The following NDUFS4 variants were observed in gnomAD, a reference collection of about 807,000 sequenced individuals.
The protein encoded by NDUFS4 is NADH dehydrogenase [ubiquinone] iron-sulfur protein 4, mitochondrial.
Under a neutral mutation model 24.3 loss-of-function variants are expected in NDUFS4, and 28 were observed. The ratio of observed to expected loss-of-function variants is 1.15; its 90% CI spans 0.85 to 1.58. NDUFS4 has a LOEUF of 1.58. Ranked by LOEUF, NDUFS4 falls within the 40% of genes most tolerant of loss-of-function variation. NDUFS4 has a pLI of 0.00. For synonymous variants in NDUFS4, 93 were observed against 69.7 expected, an observed-to-expected ratio of 1.34 and a Z score of -1.67; for missense variants, 223 against 207.9, an observed-to-expected ratio of 1.07 and a Z score of -0.45.
At chr5:53,580,797 CTCTT>C (rs1481643622) in intron 1 of NDUFS4, among the ~76,000 whole-genome samples, 1 of 141,196 alleles carries the variant, frequency 7.1e-6, no homozygotes, top group Non-Finnish European at 1.5e-5. Flanking sequence ...TTCTCTTTCT[CTCTT>C]TCTTTCCCTT....
chr5:53,585,096 A>G (rs1479324165), intron 1 of NDUFS4, among the ~76,000 whole-genome samples: 1 of 152,210 alleles, frequency 6.6e-6, no homozygotes, highest in Non-Finnish European at 1.5e-5. Flanking sequence ...TCTTAGGTGA[A>G]TATTTTAAAA....
intron 2 of NDUFS4, among the ~76,000 whole-genome samples, chr5:53,630,307 T>G (rs528715847): frequency 1.3e-5 from 2 of 152,278 alleles, no homozygotes; most frequent in East Asian, 3.9e-4. Context: ...CTGGCTGCCC[T>G]TAACATTTTT....
intron 2 of NDUFS4, among the ~76,000 whole-genome samples, chr5:53,610,680 A>G (rs1750667307): frequency 6.6e-6 from 1 of 152,306 alleles, no homozygotes; most frequent in East Asian, 1.9e-4. Context: ...GAATCTCAAC[A>G]TCAAAAAGCT....
chr5:53,660,531 G>A (rs1439600728), intron 4 of NDUFS4, among the ~76,000 whole-genome samples: 1 of 151,904 alleles, frequency 6.6e-6, no homozygotes, highest in Non-Finnish European at 1.5e-5. Context: ...GGGATTGCTG[G>A]GTCAAATGGT....
intron 4 of NDUFS4, among the ~76,000 whole-genome samples, chr5:53,675,586 T>C (rs563646201): frequency 6.6e-6 from 1 of 152,316 alleles, no homozygotes; most frequent in South Asian, 2.1e-4. Flanking sequence ...ACACAGAGTT[T>C]ATAACTTCAG....
intron 2 of NDUFS4, among the ~76,000 whole-genome samples, chr5:53,633,223 A>G (rs1751457740): frequency 6.6e-6 from 1 of 152,180 alleles, no homozygotes. Context: ...ATAAAGGTGA[A>G]TTTCTAATGA....
chr5:53,570,418 C>T (rs944557142), intron 1 of NDUFS4, among the ~76,000 whole-genome samples: 1 of 152,060 alleles, frequency 6.6e-6, no homozygotes, highest in African/African-American at 2.4e-5. Context: ...ATCCATTTAC[C>T]TATTGAAGGA....
intron 1 of NDUFS4, among the ~76,000 whole-genome samples, chr5:53,566,069 A>G (rs1749016497): frequency 6.6e-6 from 1 of 152,184 alleles, no homozygotes; most frequent in African/African-American, 2.4e-5. Flanking sequence ...GCTACTCGGG[A>G]GGCCGAGGCA....
At chr5:53,562,119 G>A (rs1748868583) in intron 1 of NDUFS4, among the ~76,000 whole-genome samples, 1 of 151,628 alleles carries the variant, frequency 6.6e-6, no homozygotes, top group Non-Finnish European at 1.5e-5. Flanking sequence ...TTCTCCTGCC[G>A]CAGCCTCCTG....
intron 2 of NDUFS4, among the ~76,000 whole-genome samples, chr5:53,629,972 C>A (rs1369289031): frequency 6.6e-6 from 1 of 152,094 alleles, no homozygotes; most frequent in Admixed American, 6.6e-5. Flanking sequence ...CTTCATAGCG[C>A]TGATGGTCTT....
intron 3 of NDUFS4, among the ~76,000 whole-genome samples, chr5:53,651,583 T>A (rs1271591782): frequency 6.6e-6 from 1 of 151,974 alleles, no homozygotes; most frequent in African/African-American, 2.4e-5. Context: ...GTATTTTTTT[T>A]AATCAGGAGA....
intron 4 of NDUFS4, among the ~76,000 whole-genome samples, chr5:53,670,707 G>A (rs1027364197): frequency 6.6e-6 from 1 of 150,674 alleles, no homozygotes; most frequent in Non-Finnish European, 1.5e-5. Flanking sequence ...TATCCAACTT[G>A]GAAAAGTTCA....
At chr5:53,571,711 TTA>T (rs1720757862) in intron 1 of NDUFS4, among the ~76,000 whole-genome samples, 1 of 152,212 alleles carries the variant, frequency 6.6e-6, no homozygotes, top group Non-Finnish European at 1.5e-5. Flanking sequence ...CTTTTTGAAG[TTA>T]TAACTATCCT....
intron 1 of NDUFS4, among the ~76,000 whole-genome samples, chr5:53,595,675 C>T (rs1414691287): frequency 6.6e-6 from 1 of 152,184 alleles, no homozygotes; most frequent in Non-Finnish European, 1.5e-5. Context: ...CCACATTCTC[C>T]TACTTATTAC....
intron 1 of NDUFS4, among the ~76,000 whole-genome samples, chr5:53,592,014 C>CT (rs1381242087): frequency 1.3e-5 from 2 of 152,006 alleles, no homozygotes; most frequent in Admixed American, 1.3e-4. Flanking sequence ...TCTTGGCTCA[C>CT]TGTAACCTCT....
At chr5:53,616,777 T>G (rs1002947226) in intron 2 of NDUFS4, among the ~76,000 whole-genome samples, 11 of 152,170 alleles carry the variant, frequency 7.2e-5, no homozygotes, top group African/African-American at 2.7e-4. Context: ...TTGATCCGAT[T>G]TACTTGTAAA....
At chr5:53,611,157 G>A (rs2112466765) in intron 2 of NDUFS4, among the ~76,000 whole-genome samples, 1 of 149,138 alleles carries the variant, frequency 6.7e-6, no homozygotes, top group East Asian at 2.0e-4. Flanking sequence ...AATTTTCATA[G>A]TACTTTGTGG....
intron 2 of NDUFS4, among the ~76,000 whole-genome samples, chr5:53,607,595 A>AC: frequency 6.6e-6 from 1 of 152,324 alleles, no homozygotes; most frequent in East Asian, 1.9e-4. Flanking sequence ...ACCTCTATGA[A>AC]CTAGTATTTT....
chr5:53,656,398 A>C (rs1458435989), intron 3 of NDUFS4, among the ~76,000 whole-genome samples: 4 of 152,170 alleles, frequency 2.6e-5, no homozygotes, highest in Admixed American at 6.5e-5. Context: ...TTAGTGGACC[A>C]GGTTGAAAGA....
Sources: allele counts gnomAD v4.1 joint callset (sites outside exome capture counted in the v4.1 genomes callset), GRCh38; gene constraint gnomAD v4.1.1; transcripts MANE v1.5; gene names NCBI Gene and HGNC (gene_info 2026-07-23, HGNC 2026-07-21).